SUMF1: variants seen among roughly 807,000 people sequenced by gnomAD.
The protein encoded by SUMF1 is sulfatase modifying factor 1.
SUMF1 carries 48 observed loss-of-function variants against 47.6 expected under a neutral mutation model. The observed-to-expected ratio is 1.01, with a 90% confidence interval of 0.80 to 1.28. The LOEUF is 1.28. Ranked by LOEUF, SUMF1 falls within the 50% of genes most tolerant of loss-of-function variation. The pLI, the probability that SUMF1 is intolerant of heterozygous loss-of-function variation, is 0.00. For synonymous variants in SUMF1, 230 were observed against 192.1 expected, an observed-to-expected ratio of 1.20 and a Z score of -1.63; for missense variants, 571 against 485.4, an observed-to-expected ratio of 1.18 and a Z score of -1.66.
Position 4,467,058 on chromosome 3 carries a change from C to A in SUMF1, c.188G>T (p.Ser63Ile). The change falls in exon 1 of 9, where the codon AGT becomes ATT. Residue 63 changes from serine (S) to isoleucine (I), a missense_variant. Coordinates refer to ENST00000272902, the MANE Select transcript of SUMF1 (RefSeq NM_182760.4). ...GTPQRPGAHG[S>I]SAAAHRYSRE... ...CGAGTATCGGTGAGCGGCTGCCGAACTGCCATGGGCGCCAGGCCGCTGGGG... is the reference window on the plus strand; with the variant it reads ...CGAGTATCGGTGAGCGGCTGCCGAAATGCCATGGGCGCCAGGCCGCTGGGG... 1 of 1,565,516 alleles carries A rather than the reference C, an allele frequency of 6.4e-7. No individual in the cohort carries two copies. Among genetic ancestry groups the A allele is most frequent in the South Asian group, 1.2e-5 (1 of 86,022 alleles).
intron 7 of SUMF1, among the ~76,000 whole-genome samples, chr3:4,377,793 G>C (rs1343509230): frequency 6.6e-6 from 1 of 152,102 alleles, no homozygotes; most frequent in African/African-American, 2.4e-5. Flanking sequence ...GGAGTCTATG[G>C]GGAAAGGGAT....
intron 8 of SUMF1, among the ~76,000 whole-genome samples, chr3:4,174,569 C>A (rs1694914840): frequency 6.6e-6 from 1 of 151,694 alleles, no homozygotes; most frequent in Admixed American, 6.6e-5. Flanking sequence ...GGGGGGCGTT[C>A]CAAGATGGCC....
At chr3:4,338,411 T>C (rs1699199005) in intron 8 of SUMF1, among the ~76,000 whole-genome samples, 1 of 152,252 alleles carries the variant, frequency 6.6e-6, no homozygotes, top group Non-Finnish European at 1.5e-5. Context: ...TCAGTGTGGC[T>C]TTATGAACAA....
chr3:4,355,205 A>T (rs1699591733), intron 8 of SUMF1, among the ~76,000 whole-genome samples: 1 of 152,326 alleles, frequency 6.6e-6, no homozygotes, highest in Admixed American at 6.5e-5. Context: ...AAATAAAAAA[A>T]ACTAGCTGGG....
At chr3:4,264,671 T>C (rs1244936865) in intron 8 of SUMF1, among the ~76,000 whole-genome samples, 1 of 152,124 alleles carries the variant, frequency 6.6e-6, no homozygotes, top group Non-Finnish European at 1.5e-5. Context: ...GGTGATAAAA[T>C]GGGTACTTTC....
chr3:4,148,299 T>C (rs779864829), intron 8 of SUMF1, among the ~76,000 whole-genome samples: 1 of 152,178 alleles, frequency 6.6e-6, no homozygotes, highest in Non-Finnish European at 1.5e-5. Flanking sequence ...GATTTTTTTA[T>C]TGGCAGTTTT....
chr3:4,234,841 C>T (rs9825458), intron 8 of SUMF1, among the ~76,000 whole-genome samples: 3 of 152,064 alleles, frequency 2.0e-5, no homozygotes, highest in African/African-American at 4.8e-5. Context: ...AGCATGGCAT[C>T]GTCAAGGAAA....
intron 1 of SUMF1, among the ~76,000 whole-genome samples, chr3:4,455,678 C>T (rs1216987726): frequency 6.6e-6 from 1 of 152,158 alleles, no homozygotes; most frequent in Non-Finnish European, 1.5e-5. Flanking sequence ...GATTGCACCA[C>T]TGTACTCCAG....
rs560773678 is a variant in SUMF1, at chr3:4,179,724, G to A, written c.1015-110979C>T. Among the ~76,000 whole-genome samples the A allele has an allele frequency of 7.1e-4, 108 of 152,070 alleles. 2 individuals are homozygous for A. Among genetic ancestry groups the A allele is most frequent in the Admixed American group, 4.3e-3 (66 of 15,272 alleles). ...TAATTAAACTAAAGAGCTTCTGCAC[G>A]GCAAGAGAAACTATCATCAGCGTGA... On this transcript the variant is annotated intron_variant and NMD_transcript_variant, in intron 8 of 12. Transcript: ENST00000448413.
chr3:4,448,313 C>G (rs138080047), intron 3 of SUMF1, among the ~76,000 whole-genome samples: 2 of 152,246 alleles, frequency 1.3e-5, no homozygotes, highest in East Asian at 1.9e-4. Flanking sequence ...CTGCTGCTCA[C>G]GAGAGGACAG....
intron 7 of SUMF1, among the ~76,000 whole-genome samples, chr3:4,397,596 C>A (rs934968998): frequency 1.3e-5 from 2 of 152,128 alleles, no homozygotes; most frequent in Non-Finnish European, 2.9e-5. Flanking sequence ...TGAAGACTTC[C>A]ATGATTTTAT....
Position 4,127,954 on chromosome 3 carries a change from GCTCATGAAAGGCAAGGAGTTT to G in SUMF1, c.1015-59230_1015-59210del, listed in dbSNP as rs1302471359. ...ATGCATTTGACACTCCTGATTCATC[GCTCATGAAAGGCAAGGAGTTT>G]AGTGACTCTATACATAATACCTTTG... On this transcript the variant is annotated intron_variant and NMD_transcript_variant, in intron 8 of 12. Transcript: ENST00000448413. Among the ~76,000 whole-genome samples, 7 of 152,182 alleles carry G rather than the reference GCTCATGAAAGGCAAGGAGTTT, an allele frequency of 4.6e-5. 1 individual carries two copies. In the East Asian group the frequency reaches 1.4e-3, roughly 29 times the overall value.
chr3:4,177,707 G>A (rs1409944895), intron 8 of SUMF1, among the ~76,000 whole-genome samples: 2 of 151,644 alleles, frequency 1.3e-5, no homozygotes, highest in African/African-American at 2.4e-5. Context: ...AAGTGAAGGA[G>A]ATAGAGACAC....
chr3:4,293,530 T>C (rs1278479566), intron 8 of SUMF1, among the ~76,000 whole-genome samples: 1 of 152,222 alleles, frequency 6.6e-6, no homozygotes, highest in African/African-American at 2.4e-5. Flanking sequence ...GCATTTTTAT[T>C]ACTACCAAGA....
At chr3:4,365,186 T>C (rs546598675) in intron 8 of SUMF1, among the ~76,000 whole-genome samples, 4,011 of 127,500 alleles carry the variant, frequency 0.031, 289 homozygotes, top group African/African-American at 0.11. Flanking sequence ...AAAAAATGTA[T>C]ATTCTGTTGA....
chr3:4,112,752 A>C (rs1186974100), intron 8 of SUMF1, among the ~76,000 whole-genome samples: 2 of 152,102 alleles, frequency 1.3e-5, no homozygotes, highest in Non-Finnish European at 2.9e-5. Context: ...CAAACAGCAA[A>C]CTTGAGATTT....
chr3:4,281,688 G>A (rs546720068), intron 8 of SUMF1, among the ~76,000 whole-genome samples: 1 of 151,940 alleles, frequency 6.6e-6, no homozygotes, highest in African/African-American at 2.4e-5. Context: ...AACTTTTGGG[G>A]GAAAAAACAG....
chr3:4,465,711 C>G (rs1385978843), intron 1 of SUMF1, among the ~76,000 whole-genome samples: 1 of 152,124 alleles, frequency 6.6e-6, no homozygotes, highest in Non-Finnish European at 1.5e-5. Flanking sequence ...GTATCAACCT[C>G]CTACACTCTA....
intron 8 of SUMF1, among the ~76,000 whole-genome samples, chr3:4,196,307 T>G (rs1695428441): frequency 6.6e-6 from 1 of 151,786 alleles, no homozygotes; most frequent in Admixed American, 6.6e-5. Flanking sequence ...TATTGAGGAG[T>G]CTATCTCTAA....
Sources: gnomAD v4.1 joint callset for allele counts (sites outside exome capture counted in the v4.1 genomes callset) on GRCh38, gnomAD v4.1.1 for gene constraint, MANE v1.5 for transcripts, NCBI Gene and HGNC (gene_info 2026-07-23, HGNC 2026-07-21) for gene names.